The following SCFD2 variants were observed in gnomAD, a reference collection of about 807,000 sequenced individuals.
The protein encoded by SCFD2 is sec1 family domain containing 2.
In SCFD2, 54 loss-of-function variants were observed where a neutral mutation model predicts 58.9. The ratio of observed to expected loss-of-function variants is 0.92; its 90% confidence interval spans 0.74 to 1.15. The LOEUF (loss-of-function observed/expected upper bound fraction) is 1.15, where lower values mean the gene tolerates loss of function less well. Ranked by LOEUF, SCFD2 falls within the 50% of genes most tolerant of loss-of-function variation. The pLI is 0.00. For missense variants in SCFD2, 805 were observed against 836.6 expected (o/e 0.96, Z 0.47); for synonymous variants, 321 against 335.9 (o/e 0.96, Z 0.49).
In SCFD2 at chr4:53,329,237, C is replaced by T. The variant is rs530791672; in HGVS notation, c.1008-15474G>A. Among the ~76,000 whole-genome samples the T allele has an allele frequency of 1.5e-4, 23 of 152,314 alleles. No individual in the cohort carries two copies. The East Asian group carries it at 4.3e-3, about 28-fold the overall frequency. ...GCCTGGAAGCTCGAACTGGGTGGAGCCCACCACAGCTCAAGGAGGCCTGCC... is the reference window on the plus strand; with the variant it reads ...GCCTGGAAGCTCGAACTGGGTGGAGTCCACCACAGCTCAAGGAGGCCTGCC... On this transcript the variant is annotated intron_variant, in intron 2 of 8. Transcript: ENST00000401642.
intron 4 of SCFD2, among the ~76,000 whole-genome samples, chr4:53,219,553 G>A (rs891712326): frequency 5.3e-5 from 8 of 152,130 alleles, no homozygotes; most frequent in African/African-American, 1.9e-4. Context: ...CCATGTCTAG[G>A]AAAGGGAATT....
At chr4:53,103,035 A>G (rs1325235701) in intron 5 of SCFD2, among the ~76,000 whole-genome samples, 1 of 152,148 alleles carries the variant, frequency 6.6e-6, no homozygotes, top group Non-Finnish European at 1.5e-5. Context: ...GGAATTGAAA[A>G]TCACCCTTTA....
intron 5 of SCFD2, among the ~76,000 whole-genome samples, chr4:53,070,974 A>G (rs1723797146): frequency 6.6e-6 from 1 of 152,142 alleles, no homozygotes; most frequent in African/African-American, 2.4e-5. Context: ...TGTTAGCTAG[A>G]TGTGCCATGT....
chr4:53,133,327 CAAAAAAA>C (rs34787254), intron 5 of SCFD2, among the ~76,000 whole-genome samples: 42 of 83,194 alleles, frequency 5.0e-4, no homozygotes, highest in South Asian at 1.1e-3. Flanking sequence ...GACTCCGTCT[CAAAAAAA>C]AAAAAAAAAA....
chr4:53,252,466 A>G (rs1254714554), intron 4 of SCFD2, among the ~76,000 whole-genome samples: 5 of 151,374 alleles, frequency 3.3e-5, no homozygotes, highest in Admixed American at 6.6e-5. Context: ...GAGGCATCAC[A>G]CTACCTGACT....
At chr4:52,998,782 A>T (rs1721800409) in intron 5 of SCFD2, among the ~76,000 whole-genome samples, 2 of 152,204 alleles carry the variant, frequency 1.3e-5, no homozygotes, top group Non-Finnish European at 2.9e-5. Flanking sequence ...TACTAAAGGA[A>T]ATACTTTTGA....
chr4:53,236,648 GT>G (rs949851261), intron 4 of SCFD2, among the ~76,000 whole-genome samples: 51 of 148,278 alleles, frequency 3.4e-4, no homozygotes, highest in African/African-American at 9.4e-4. Context: ...TGTCTGGCAT[GT>G]TTTTTTTTAA....
At chr4:53,036,326 G>C (rs1372000557) in intron 5 of SCFD2, among the ~76,000 whole-genome samples, 1 of 151,550 alleles carries the variant, frequency 6.6e-6, no homozygotes, top group African/African-American at 2.4e-5. Context: ...GTCTGTCCTT[G>C]TGATAGTTTG....
chr4:53,222,606 G>C (rs1729081098), intron 4 of SCFD2, among the ~76,000 whole-genome samples: 1 of 137,830 alleles, frequency 7.3e-6, no homozygotes, highest in South Asian at 2.6e-4. Flanking sequence ...CATTGCAATT[G>C]GAAGAACTAC....
At position 53,201,256 on chromosome 4, in the gene SCFD2, T is replaced by C. The variant is rs867646896; in HGVS notation, c.1312-55674A>G. Among the ~76,000 whole-genome samples the C allele has an allele frequency of 1.1e-4, 16 of 149,808 alleles. 1 individual carries two copies. In the South Asian group the frequency reaches 3.3e-3, roughly 31 times the overall value. On this transcript the variant is annotated intron_variant, in intron 4 of 8. Transcript: ENST00000401642. ...GTTCTCATTGTTCAATTCCCACCTA[T>C]GAGTGAGAACATGAGGTGTTTGGTT...
intron 4 of SCFD2, among the ~76,000 whole-genome samples, chr4:53,185,783 C>A (rs772312053): frequency 1.3e-5 from 2 of 151,826 alleles, no homozygotes. Context: ...TAATTAGTAG[C>A]CAATGAACAA....
chr4:53,105,440 G>C (rs970354921), intron 5 of SCFD2, among the ~76,000 whole-genome samples: 1 of 152,100 alleles, frequency 6.6e-6, no homozygotes, highest in Non-Finnish European at 1.5e-5. Context: ...CCACTGGCTT[G>C]AAATTCTCAC....
chr4:52,892,703 C>T (rs886321141), intron 7 of SCFD2, among the ~76,000 whole-genome samples: 1 of 152,228 alleles, frequency 6.6e-6, no homozygotes, highest in Non-Finnish European at 1.5e-5. Context: ...CACCACACCA[C>T]TTATCTCTCC....
intron 5 of SCFD2, among the ~76,000 whole-genome samples, chr4:53,105,591 C>T (rs561485453): frequency 1.9e-4 from 29 of 152,262 alleles, no homozygotes; most frequent in Non-Finnish European, 2.9e-4. Context: ...CAAGATGGAG[C>T]CCACTGCAGC....
intron 5 of SCFD2, among the ~76,000 whole-genome samples, chr4:52,929,366 C>G (rs185227678): frequency 3.3e-5 from 5 of 152,218 alleles, no homozygotes; most frequent in African/African-American, 2.4e-5. Flanking sequence ...AAACAAAAAC[C>G]AGTTGCACTA....
In SCFD2 at chr4:53,160,413, T is replaced by C. The variant is rs13150485; in HGVS notation, c.1312-14831A>G. Among the ~76,000 whole-genome samples the C allele has an allele frequency of 5.8e-3, 890 of 152,308 alleles. 2 individuals are homozygous for C. Among genetic ancestry groups the C allele is most frequent in the South Asian group, 8.9e-3 (43 of 4,826 alleles). ...AAGGAGCATTGAATGTAATGTGAAC[T>C]GGTGGAATTTGCAGAGATTTTGAAG... On this transcript the variant is annotated intron_variant, in intron 4 of 8. Coordinates refer to ENST00000401642, the MANE Select transcript of SCFD2 (RefSeq NM_152540.4).
chr4:53,364,333 T>C (rs1453487494), intron 1 of SCFD2, among the ~76,000 whole-genome samples: 1 of 152,232 alleles, frequency 6.6e-6, no homozygotes, highest in Non-Finnish European at 1.5e-5. Context: ...TTATTCTCCC[T>C]GGACTTGGAA....
At chr4:53,176,187 C>T (rs905999497) in intron 4 of SCFD2, among the ~76,000 whole-genome samples, 31 of 152,308 alleles carry the variant, frequency 2.0e-4, no homozygotes, top group African/African-American at 5.3e-4. Context: ...AAACCAGATA[C>T]ATTATAGCCT....
chr4:53,180,521 T>G (rs1256700691), intron 4 of SCFD2, among the ~76,000 whole-genome samples: 1 of 152,066 alleles, frequency 6.6e-6, no homozygotes, highest in Non-Finnish European at 1.5e-5. Context: ...GGGAAATTTA[T>G]AGCACTAAAT....
Sources: allele counts gnomAD v4.1 joint callset (sites outside exome capture counted in the v4.1 genomes callset), GRCh38; gene constraint gnomAD v4.1.1; transcripts MANE v1.5; gene names NCBI Gene and HGNC (gene_info 2026-07-23, HGNC 2026-07-21).